EDEM1: variants seen among roughly 807,000 people sequenced by gnomAD.
EDEM1 encodes ER degradation-enhancing alpha-mannosidase-like protein 1.
EDEM1 carries 67 observed loss-of-function variants against 74.4 expected under a neutral mutation model. That is an observed-to-expected ratio of 0.90 (90% confidence interval 0.74 to 1.10). The LOEUF (loss-of-function observed/expected upper bound fraction) is 1.10, where lower values mean the gene tolerates loss of function less well. Among genes scored for constraint, EDEM1 ranks in the 50% least tolerant of loss-of-function variants. The pLI is 0.00. For missense variants in EDEM1, 926 were observed against 851.6 expected (o/e 1.09, Z -1.09); for synonymous variants, 382 against 335.9 (o/e 1.14, Z -1.50).
intron 11 of EDEM1, among the ~76,000 whole-genome samples, chr3:5,214,380 C>T (rs1346097310): frequency 6.6e-6 from 1 of 152,152 alleles, no homozygotes; most frequent in East Asian, 1.9e-4. Flanking sequence ...CAGTGCTTTT[C>T]CGTTAATGCC....
intron 7 of EDEM1, 96 bp downstream of exon 7, chr3:5,207,369 T>C: frequency 6.5e-7 from 1 of 1,532,874 alleles, no homozygotes; most frequent in Non-Finnish European, 8.8e-7. Context: ...ATTCTCTGTC[T>C]CCTTTGGATT....
Position 5,188,106 on chromosome 3 carries a change from G to A in EDEM1, c.301G>A (p.Gly101Ser). ...GPGMCGPANW[G>S]YVLGGRGRGP... ...GGGGATGTGCGGCCCAGCCAACTGG[G>A]GCTACGTGCTGGGCGGCCGGGGCCG... Residue 101 changes from glycine (G) to serine (S), a missense_variant, in exon 1 of 12, where the codon GGC (glycine) becomes AGC (serine). Transcript: ENST00000256497. 2 of 1,516,232 alleles carry A rather than the reference G, an allele frequency of 1.3e-6. No individual in the cohort carries two copies. The highest frequency in any genetic ancestry group is 1.8e-6 in the Non-Finnish European group (2 of 1,131,466). The allele number at this position is 1,516,232 out of a possible 1,614,324, so 93.9% of individuals were successfully genotyped here. A position where few individuals can be genotyped will look rare whatever the true frequency, so the allele number is the denominator to read the frequency against.
Position 5,188,327 on chromosome 3 carries a change from C to G in EDEM1, c.509+13C>G. The G allele has an allele frequency of 6.9e-7, 1 of 1,447,070 alleles. No homozygotes were observed. The highest frequency in any genetic ancestry group is 9.1e-7 in the Non-Finnish European group (1 of 1,095,764). 89.6% of individuals were successfully genotyped at this position (1,447,070 alleles called of 1,614,324 possible). On this transcript the variant is annotated intron_variant, in intron 1 of 11. Coordinates refer to ENST00000256497, the MANE Select transcript of EDEM1 (RefSeq NM_014674.3). ...ACCGCGGGGACCCGTGAGTAGCCCC[C>G]GCCGCCCGGGGCCGCGCGCCCACGC...
chr3:5,212,424 A>G (rs2055178375), intron 10 of EDEM1, among the ~76,000 whole-genome samples: 1 of 152,062 alleles, frequency 6.6e-6, no homozygotes, highest in Non-Finnish European at 1.5e-5. Flanking sequence ...ACATATTTCC[A>G]TCCAGCAGCC....
chr3:5,205,822 A>G (rs1196455845), intron 6 of EDEM1, among the ~76,000 whole-genome samples: 1 of 152,114 alleles, frequency 6.6e-6, no homozygotes, highest in Non-Finnish European at 1.5e-5. Flanking sequence ...CTGCCAGACC[A>G]TTAGTCACCC....
intron 8 of EDEM1, among the ~76,000 whole-genome samples, chr3:5,209,635 C>T (rs1466343296): frequency 6.6e-6 from 1 of 152,096 alleles, no homozygotes; most frequent in Non-Finnish European, 1.5e-5. Flanking sequence ...CTAGTAAAAC[C>T]ATCTAAGAGT....
At chr3:5,188,792 A>G (rs930786300) in intron 1 of EDEM1, among the ~76,000 whole-genome samples, 1 of 152,174 alleles carries the variant, frequency 6.6e-6, no homozygotes, top group African/African-American at 2.4e-5. Flanking sequence ...TTTCTATGTA[A>G]AAAGCCTATA....
chr3:5,213,360 A>G lies in EDEM1; in HGVS notation c.1722A>G (p.Arg574=), dbSNP rs1304354196. ...EDNPVHKSGT[R]YMFTTEGHIV... ...ATCCAGTACACAAGTCTGGAACCAG[A>G]TACATGTTCACAACAGAGGGACACA... is the stretch of plus-strand genomic sequence containing the variant. The change falls in exon 11 of 12, where the codon AGA becomes AGG. Residue 574 remains arginine (R), a synonymous_variant. Transcript: ENST00000256497. 3.1e-6 allele frequency: 5 copies of G among 1,614,058 alleles called. No homozygotes were observed. The highest frequency in any genetic ancestry group is 4.2e-6 in the Non-Finnish European group (5 of 1,179,988).
At chr3:5,213,276 G>A (rs2055189156) in intron 10 of EDEM1, 43 bp from the exon 11 acceptor site, 8 of 1,576,190 alleles carry the variant, frequency 5.1e-6, no homozygotes, top group Non-Finnish European at 6.9e-6. Flanking sequence ...AGTTCCCAGT[G>A]TGCTACAATT....
chr3:5,214,745 G>A (rs1254333103), intron 11 of EDEM1, among the ~76,000 whole-genome samples: 1 of 152,182 alleles, frequency 6.6e-6, no homozygotes, highest in African/African-American at 2.4e-5. Flanking sequence ...GACCCAGGCA[G>A]TGTCTTCTCT....
At chr3:5,195,825 G>C (rs914728366) in intron 2 of EDEM1, among the ~76,000 whole-genome samples, 4 of 152,246 alleles carry the variant, frequency 2.6e-5, no homozygotes, top group African/African-American at 9.6e-5. Context: ...TCATCCTGTG[G>C]TTTTGCTCAT....
Position 5,211,114 on chromosome 3 carries a change from T to C in EDEM1, c.1584-6T>C, listed in dbSNP as rs369369206. On this transcript the variant is annotated splice_polypyrimidine_tract_variant and splice_region_variant and intron_variant, in intron 9 of 11. Coordinates refer to ENST00000256497, the MANE Select transcript of EDEM1 (RefSeq NM_014674.3). ...AGGCAGGACTGACCAGATGATTGTTTTGTAGGTGTGGGTACGCCACGCTGC... is the reference window on the plus strand; with the variant it reads ...AGGCAGGACTGACCAGATGATTGTTCTGTAGGTGTGGGTACGCCACGCTGC... 6 of 1,613,830 alleles carry C rather than the reference T, an allele frequency of 3.7e-6. No homozygotes were observed. The highest frequency in any genetic ancestry group is 5.1e-6 in the Non-Finnish European group (6 of 1,179,960).
intron 10 of EDEM1, 53 bp from the exon 11 acceptor site, chr3:5,213,266 A>T: frequency 6.5e-7 from 1 of 1,540,154 alleles, no homozygotes; most frequent in Non-Finnish European, 8.8e-7. Flanking sequence ...CCCATGATTC[A>T]GTTCCCAGTG....
rs747348611 is a variant in EDEM1 at position 5,216,121 on chromosome 3, A to G, written c.*203A>G. ...TGTTCAATAAAATGCCCTGTTAAGG[A>G]TATAATTTGAAGTGAGAAGATACAT... On this transcript the variant is annotated 3_prime_UTR_variant, in exon 12 of 12. Coordinates refer to ENST00000256497, the MANE Select transcript of EDEM1 (RefSeq NM_014674.3). 3.5e-5 allele frequency: 19 copies of G among 537,134 alleles called. No homozygotes were observed. The highest frequency in any genetic ancestry group is 4.8e-5 in the Non-Finnish European group (15 of 309,634). The allele number at this position is 537,134 out of a possible 1,614,324, so 33.3% of individuals were successfully genotyped here. A position where few individuals can be genotyped will look rare whatever the true frequency, so the allele number is the denominator to read the frequency against.
intron 1 of EDEM1, among the ~76,000 whole-genome samples, chr3:5,189,069 A>C (rs1001845289): frequency 5.9e-5 from 9 of 152,208 alleles, no homozygotes; most frequent in Non-Finnish European, 1.0e-4. Context: ...CCTGTTCACC[A>C]GCCTTGTTTG....
intron 10 of EDEM1, 166 bp downstream of exon 10, chr3:5,211,382 T>C (rs1417494841): frequency 1.4e-5 from 9 of 635,548 alleles, no homozygotes; most frequent in Admixed American, 5.4e-5. Flanking sequence ...CTATCTTCTT[T>C]CATGGTTTCC....
At chr3:5,204,424 A>T (rs1027127394) in intron 5 of EDEM1, among the ~76,000 whole-genome samples, 1 of 150,570 alleles carries the variant, frequency 6.6e-6, no homozygotes, top group Admixed American at 6.6e-5. Flanking sequence ...CCCAGGCTGG[A>T]CGGCAGTGGC....
chr3:5,201,345 G>T (rs1001856646), intron 3 of EDEM1, among the ~76,000 whole-genome samples: 11 of 151,846 alleles, frequency 7.2e-5, no homozygotes, highest in African/African-American at 2.7e-4. Flanking sequence ...AATAGAGACA[G>T]GGTCTTGCCT....
In EDEM1 at chr3:5,188,037, G is replaced by A. The variant is rs1240530130; in HGVS notation, c.232G>A (p.Gly78Arg). The change falls in exon 1 of 12, where the codon GGG (glycine) becomes AGG (arginine). Residue 78 changes from glycine to arginine, a missense_variant. Physicochemically the swap from Gly to Arg is moderately radical, Grantham distance 125. Transcript: ENST00000256497. Reference sequence around the variant, plus strand: ...GTCGTGGCTGCAGCCGCCGGGGACCGGGGCAGCGCAGAGCCCGCGCAAGGC... The same window carrying A: ...GTCGTGGCTGCAGCCGCCGGGGACCAGGGCAGCGCAGAGCCCGCGCAAGGC... ...GPSWLQPPGT[G>R]AAQSPRKAPR... 6 of 1,425,028 alleles carry A rather than the reference G, an allele frequency of 4.2e-6. No individual in the cohort carries two copies. The highest frequency in any genetic ancestry group is 5.5e-6 in the Non-Finnish European group (6 of 1,094,462). The allele number at this position is 1,425,028 out of a possible 1,614,324, so 88.3% of individuals were successfully genotyped here. A position where few individuals can be genotyped will look rare whatever the true frequency, so the allele number is the denominator to read the frequency against.
Sources: allele counts gnomAD v4.1 joint callset (sites outside exome capture counted in the v4.1 genomes callset), GRCh38; gene constraint gnomAD v4.1.1; transcripts MANE v1.5; gene names NCBI Gene and HGNC (gene_info 2026-07-23, HGNC 2026-07-21).